ELP4: variants seen among roughly 807,000 people sequenced by gnomAD.
The protein encoded by ELP4 is elongator complex protein 4.
A neutral mutation model predicts 48.9 loss-of-function variants in ELP4; 51 were observed. That is an observed-to-expected ratio of 1.04 (90% confidence interval 0.83 to 1.32). The LOEUF (loss-of-function observed/expected upper bound fraction) is 1.32. Among genes scored for constraint, ELP4 ranks in the 40% most tolerant of loss-of-function variants. ELP4 has a pLI of 0.00. For missense variants in ELP4, 519 were observed against 514.6 expected (o/e 1.01, Z -0.08); for synonymous variants, 210 against 189.2 (o/e 1.11, Z -0.90).
intron 3 of ELP4, among the ~76,000 whole-genome samples, chr11:31,543,406 G>A (rs1271075530): frequency 2.6e-5 from 4 of 151,946 alleles, no homozygotes; most frequent in South Asian, 2.1e-4. Context: ...TGCAAGCTCC[G>A]CCTCCCGGGT....
intron 9 of ELP4, among the ~76,000 whole-genome samples, chr11:31,664,712 G>C (rs1291366879): frequency 6.6e-6 from 1 of 151,956 alleles, no homozygotes; most frequent in Non-Finnish European, 1.5e-5. Flanking sequence ...GAAATATGCA[G>C]CTGAAGGAAA....
intron 8 of ELP4, chr11:31,648,832 CGAGTA>C (rs1342286163): frequency 6.6e-6 from 1 of 151,188 alleles, no homozygotes; most frequent in Non-Finnish European, 1.5e-5. Flanking sequence ...TATTTTCCAC[CGAGTA>C]AAGAGTGGTT....
intron 3 of ELP4, among the ~76,000 whole-genome samples, chr11:31,572,610 ATCTG>A (rs923961475): frequency 2.6e-5 from 4 of 152,302 alleles, no homozygotes; most frequent in Non-Finnish European, 4.4e-5. Context: ...CTATCTATCT[ATCTG>A]TCTATCTAAG....
In ELP4 at chr11:31,532,789, G is replaced by A. The variant is rs946958162; in HGVS notation, c.260-6873G>A. ...TTGTTGGTTTTTTTTTTTTTTTTTTGAAATGGAGTTTTGCTCTCGTTGCCC... is the reference window on the plus strand; with the variant it reads ...TTGTTGGTTTTTTTTTTTTTTTTTTAAAATGGAGTTTTGCTCTCGTTGCCC... On this transcript the variant is annotated intron_variant, in intron 2 of 9. Coordinates refer to ENST00000640961, the MANE Select transcript of ELP4 (RefSeq NM_019040.5). 2.3e-4 allele frequency among the ~76,000 whole-genome samples: 14 copies of A among 60,318 alleles called. 1 individual carries two copies. The East Asian group carries it at 6.4e-3, about 28-fold the overall frequency. 39.6% of individuals were successfully genotyped at this position (60,318 alleles called of 152,430 possible).
At chr11:31,744,078 G>T (rs1947521585) in intron 9 of ELP4, among the ~76,000 whole-genome samples, 3 of 152,160 alleles carry the variant, frequency 2.0e-5, no homozygotes, top group Non-Finnish European at 4.4e-5. Flanking sequence ...CGATCCCACA[G>T]AAATACAAAC....
At chr11:31,774,708 C>T (rs928693647) in intron 9 of ELP4, among the ~76,000 whole-genome samples, 2 of 152,218 alleles carry the variant, frequency 1.3e-5, no homozygotes, top group Admixed American at 1.3e-4. Flanking sequence ...CTTTGCAATA[C>T]TTGACCTCAC....
intron 3 of ELP4, among the ~76,000 whole-genome samples, chr11:31,548,091 C>T (rs1263870242): frequency 6.6e-6 from 1 of 152,170 alleles, no homozygotes; most frequent in Non-Finnish European, 1.5e-5. Context: ...CAGGGATGCC[C>T]TCTCTCACCA....
intron 5 of ELP4, among the ~76,000 whole-genome samples, chr11:31,625,808 T>C (rs532611804): frequency 2.6e-5 from 4 of 151,922 alleles, no homozygotes; most frequent in African/African-American, 9.6e-5. Context: ...AAAGTTGATC[T>C]AGCAGGGATA....
chr11:31,562,370 T>C (rs939711515), intron 3 of ELP4, among the ~76,000 whole-genome samples: 2 of 152,206 alleles, frequency 1.3e-5, no homozygotes, highest in South Asian at 4.1e-4. Context: ...TCATTTGCTC[T>C]ATCTTAATCA....
chr11:31,780,006 T>G (rs1047321323), intron 9 of ELP4: 1 of 152,210 alleles, frequency 6.6e-6, no homozygotes, highest in Non-Finnish European at 1.5e-5. Context: ...ATGAGAAATA[T>G]GAATACCTTG....
intron 9 of ELP4, among the ~76,000 whole-genome samples, chr11:31,668,189 ATAAT>A (rs1370966924): frequency 6.6e-6 from 1 of 152,190 alleles, no homozygotes; most frequent in African/African-American, 2.4e-5. Flanking sequence ...TAATATTTAA[ATAAT>A]TATGCTTTTT....
chr11:31,686,328 G>GT (rs376488709), intron 9 of ELP4, among the ~76,000 whole-genome samples: 6,612 of 122,480 alleles, frequency 0.054, 191 homozygotes, highest in Non-Finnish European at 0.064. Flanking sequence ...TTGTGGGTTG[G>GT]TTTTTTTTTT....
chr11:31,681,089 G>A (rs993852172), intron 9 of ELP4, among the ~76,000 whole-genome samples: 1 of 152,082 alleles, frequency 6.6e-6, no homozygotes, highest in African/African-American at 2.4e-5. Flanking sequence ...AACCAACTTG[G>A]TAACTTCTAT....
intron 1 of ELP4, among the ~76,000 whole-genome samples, chr11:31,514,007 G>T (rs559496445): frequency 6.6e-6 from 1 of 152,132 alleles, no homozygotes; most frequent in African/African-American, 2.4e-5. Context: ...TCTCATGTTT[G>T]CCCAGCCAAT....
At chr11:31,738,263 A>G (rs949882285) in intron 9 of ELP4, among the ~76,000 whole-genome samples, 2 of 146,644 alleles carry the variant, frequency 1.4e-5, no homozygotes, top group African/African-American at 5.1e-5. Flanking sequence ...AAAAATTAAT[A>G]CTTAGCCAGG....
At chr11:31,591,474 C>T (rs992046979) in intron 3 of ELP4, among the ~76,000 whole-genome samples, 3 of 144,442 alleles carry the variant, frequency 2.1e-5, no homozygotes, top group Admixed American at 7.0e-5. Flanking sequence ...AGAAGAAATA[C>T]AGATGGCCAA....
intron 3 of ELP4, among the ~76,000 whole-genome samples, chr11:31,590,846 C>G (rs148341773): frequency 4.6e-5 from 7 of 152,246 alleles, no homozygotes; most frequent in African/African-American, 1.7e-4. Flanking sequence ...TTAAACCATT[C>G]ATGAGCAATC....
At chr11:31,556,832 T>C (rs1956936963) in intron 3 of ELP4, among the ~76,000 whole-genome samples, 1 of 151,880 alleles carries the variant, frequency 6.6e-6, no homozygotes, top group South Asian at 2.1e-4. Context: ...AGTTGTGTTT[T>C]TAAAATTTTA....
At chr11:31,655,016 A>C (rs1298158194) in intron 9 of ELP4, among the ~76,000 whole-genome samples, 5 of 152,036 alleles carry the variant, frequency 3.3e-5, no homozygotes, top group Non-Finnish European at 7.4e-5. Context: ...GCAGAAAGAA[A>C]AGAAAATCAA....
Sources: gnomAD v4.1 joint callset for allele counts (sites outside exome capture counted in the v4.1 genomes callset) on GRCh38, gnomAD v4.1.1 for gene constraint, MANE v1.5 for transcripts, NCBI Gene and HGNC (gene_info 2026-07-23, HGNC 2026-07-21) for gene names.